TMPRSS11F: variants seen among roughly 807,000 people sequenced by gnomAD.
The protein encoded by TMPRSS11F is transmembrane serine protease 11F, also known as transmembrane protease serine 11F.
In TMPRSS11F, 47 loss-of-function variants were observed where a neutral mutation model predicts 60.2. The observed-to-expected ratio is 0.78, with a 90% confidence interval of 0.62 to 1.00. The LOEUF (loss-of-function observed/expected upper bound fraction) is 1.00. Among genes scored for constraint, TMPRSS11F ranks in the 50% least tolerant of loss-of-function variants. TMPRSS11F has a pLI of 0.00. For missense variants in TMPRSS11F, 519 were observed against 522.9 expected (o/e 0.99, Z 0.07); for synonymous variants, 166 against 167.3 (o/e 0.99, Z 0.06).
rs1430755839 is a variant in TMPRSS11F, at chr4:68,064,726, G to A, written c.974C>T (p.Thr325Ile). Residue 325 changes from threonine (T) to isoleucine (I), a missense_variant, in exon 8 of 10, where the codon ACA becomes ATA. Coordinates refer to ENST00000356291, the MANE Select transcript of TMPRSS11F (RefSeq NM_207407.2). Reference sequence around the variant, plus strand: ...TCCAAATCCTGTGACGAACACACTTGTTTTAGGTGGCAACTTTATAGATGA... The same window carrying A: ...TCCAAATCCTGTGACGAACACACTTATTTTAGGTGGCAACTTTATAGATGA... ...PDSSIKLPPK[T>I]SVFVTGFGSI... The A allele has an allele frequency of 6.2e-7, 1 of 1,614,120 alleles. No homozygotes were observed.
intron 2 of TMPRSS11F, among the ~76,000 whole-genome samples, chr4:68,097,767 A>G (rs1167021583): frequency 6.6e-6 from 1 of 151,862 alleles, no homozygotes; most frequent in Non-Finnish European, 1.5e-5. Flanking sequence ...AAACTATTTC[A>G]TTACCTTCTA....
chr4:68,081,036 GA>G (rs1723687527), intron 3 of TMPRSS11F: 1 of 152,172 alleles, frequency 6.6e-6, no homozygotes, highest in Non-Finnish European at 1.5e-5. Flanking sequence ...TCTTAAAATA[GA>G]GGGGAACGAA....
intron 1 of TMPRSS11F, 108 bp from the exon 2 acceptor site, chr4:68,099,146 T>C: frequency 1.1e-6 from 1 of 936,024 alleles, no homozygotes; most frequent in Admixed American, 2.9e-5. Flanking sequence ...TAAATAACAG[T>C]GAGCAACTTA....
intron 1 of TMPRSS11F, among the ~76,000 whole-genome samples, chr4:68,109,150 T>C (rs1397867817): frequency 1.3e-5 from 2 of 152,194 alleles, no homozygotes; most frequent in Admixed American, 6.5e-5. Flanking sequence ...AAAATCCATA[T>C]GTCACATCTA....
chr4:68,057,926 G>C (rs970448439), intron 9 of TMPRSS11F, among the ~76,000 whole-genome samples: 1 of 152,148 alleles, frequency 6.6e-6, no homozygotes, highest in Admixed American at 6.6e-5. Context: ...CAACATACAT[G>C]AATCTAGAGG....
rs112033145 is a variant in TMPRSS11F, at chr4:68,067,793, G to A, written c.755+825C>T. ...GATAAAGCACCTCTGAGAATCACCAGGGATAGGCTCCTTTAATAAGGTGCA... is the reference window on the plus strand; with the variant it reads ...GATAAAGCACCTCTGAGAATCACCAAGGATAGGCTCCTTTAATAAGGTGCA... On this transcript the variant is annotated intron_variant, in intron 7 of 9. Coordinates refer to ENST00000356291, the MANE Select transcript of TMPRSS11F (RefSeq NM_207407.2). Among the ~76,000 whole-genome samples, 772 of 152,292 alleles carry A rather than the reference G, an allele frequency of 5.1e-3. 9 individuals carry two copies. Among genetic ancestry groups the A allele is most frequent in the African/African-American group, 0.018 (751 of 41,564 alleles).
Position 68,071,960 on chromosome 4 carries a change from C to A in TMPRSS11F, c.514+363G>T, listed in dbSNP as rs149102604. ...ACAATACCTGTGTCTAATTCTAGCC[C>A]CAAGGTTTGCTAATCCCATGTCTCA... On this transcript the variant is annotated intron_variant, in intron 5 of 9. Coordinates refer to ENST00000356291, the MANE Select transcript of TMPRSS11F (RefSeq NM_207407.2). 2.9e-4 allele frequency among the ~76,000 whole-genome samples: 44 copies of A among 151,676 alleles called. No homozygotes were observed. The East Asian group carries it at 8.6e-3, about 30-fold the overall frequency.
chr4:68,104,084 T>C (rs1724251021), intron 1 of TMPRSS11F, among the ~76,000 whole-genome samples: 2 of 152,198 alleles, frequency 1.3e-5, no homozygotes, highest in Admixed American at 6.5e-5. Context: ...TTTAAGATCA[T>C]GTCAGAATAA....
intron 1 of TMPRSS11F, among the ~76,000 whole-genome samples, chr4:68,106,740 A>G (rs1724308462): frequency 6.6e-6 from 1 of 152,210 alleles, no homozygotes; most frequent in African/African-American, 2.4e-5. Flanking sequence ...CTGCTCCTTT[A>G]TTGGAATGTG....
chr4:68,120,655 T>A (rs1239557491), intron 1 of TMPRSS11F, among the ~76,000 whole-genome samples: 1 of 152,194 alleles, frequency 6.6e-6, no homozygotes, highest in Non-Finnish European at 1.5e-5. Flanking sequence ...CCCAAAGTGC[T>A]GGGATTACAG....
intron 5 of TMPRSS11F, among the ~76,000 whole-genome samples, chr4:68,070,386 T>C (rs895678723): frequency 6.6e-6 from 1 of 152,216 alleles, no homozygotes; most frequent in African/African-American, 2.4e-5. Context: ...TTTACCAACC[T>C]ATATGGTTTA....
intron 1 of TMPRSS11F, among the ~76,000 whole-genome samples, chr4:68,121,269 T>C (rs1724620831): frequency 6.6e-6 from 1 of 152,200 alleles, no homozygotes; most frequent in Non-Finnish European, 1.5e-5. Flanking sequence ...AAATGTTTCT[T>C]AAGGAATCAA....
At chr4:68,122,370 G>A (rs948058851) in intron 1 of TMPRSS11F, among the ~76,000 whole-genome samples, 3 of 151,982 alleles carry the variant, frequency 2.0e-5, no homozygotes, top group Non-Finnish European at 2.9e-5. Context: ...TTATAGTACT[G>A]TATCTGGCTA....
intron 9 of TMPRSS11F, among the ~76,000 whole-genome samples, chr4:68,058,172 A>C (rs977107526): frequency 6.6e-6 from 1 of 152,214 alleles, no homozygotes; most frequent in Non-Finnish European, 1.5e-5. Context: ...CAGGGTGACT[A>C]TAATCAATAA....
At chr4:68,114,558 C>T (rs889550798) in intron 1 of TMPRSS11F, among the ~76,000 whole-genome samples, 10 of 151,898 alleles carry the variant, frequency 6.6e-5, no homozygotes, top group Non-Finnish European at 1.5e-4. Flanking sequence ...AAAATAATAA[C>T]ATCAATTTAA....
intron 3 of TMPRSS11F, among the ~76,000 whole-genome samples, chr4:68,086,837 C>T (rs1723825073): frequency 6.6e-6 from 1 of 151,962 alleles, no homozygotes; most frequent in Non-Finnish European, 1.5e-5. Flanking sequence ...AATTGAAAAC[C>T]TGAACAGACC....
intron 1 of TMPRSS11F, among the ~76,000 whole-genome samples, chr4:68,110,793 TCAAATC>T (rs1560409964): frequency 6.6e-6 from 1 of 152,192 alleles, no homozygotes. Flanking sequence ...CTAGGAATAA[TCAAATC>T]CAAATGTCTT....
chr4:68,090,741 G>C, intron 2 of TMPRSS11F, 100 bp from the exon 3 acceptor site: 1 of 1,474,494 alleles, frequency 6.8e-7, no homozygotes, highest in African/African-American at 1.4e-5. Context: ...CAATAATGCA[G>C]TTTATTTCTA....
chr4:68,058,102 G>T (rs111656086), intron 9 of TMPRSS11F, among the ~76,000 whole-genome samples: 1 of 152,096 alleles, frequency 6.6e-6, no homozygotes, highest in Admixed American at 6.6e-5. Flanking sequence ...AAGGGGAGTT[G>T]CTAGTCAGAG....
Sources: allele counts gnomAD v4.1 joint callset (sites outside exome capture counted in the v4.1 genomes callset), GRCh38; gene constraint gnomAD v4.1.1; transcripts MANE v1.5; gene names NCBI Gene and HGNC (gene_info 2026-07-23, HGNC 2026-07-21).